The following PI4KA variants were observed in gnomAD, a reference collection of about 807,000 sequenced individuals.
The protein encoded by PI4KA is phosphatidylinositol 4-kinase alpha.
Under a neutral mutation model 271.4 loss-of-function variants are expected in PI4KA, and 122 were observed. The ratio of observed to expected loss-of-function variants is 0.45; its 90% CI spans 0.39 to 0.52. The LOEUF (loss-of-function observed/expected upper bound fraction) is 0.52, where lower values mean the gene tolerates loss of function less well. Ranked by LOEUF, PI4KA falls within the 20% of genes least tolerant of loss-of-function variation. The pLI, the probability that PI4KA is intolerant of heterozygous loss-of-function variation, is 0.00. For synonymous variants in PI4KA, 1,041 were observed against 1,078.8 expected (o/e 0.96, Z 0.69); for missense variants, 1,969 against 2,769.1 (o/e 0.71, Z 6.48).
Position 20,799,256 on chromosome 22 carries a change from T to C in PI4KA, c.1841A>G (p.Asp614Gly). Reference protein sequence around the residue: ...ESDKDAHLIPDHTIRALGHIA... With the variant: ...ESDKDAHLIPGHTIRALGHIA... ...GTGTCCCAAGGCTCGGATTGTGTGG[T>C]CGGGAATCAAGTGAGCGTCCCTACA... is the stretch of plus-strand genomic sequence containing the variant. The change falls in exon 16 of 55, where the codon GAC (aspartate) becomes GGC (glycine). Residue 614 changes from aspartate (D) to glycine (G), a missense_variant. Around this residue, in one of 13 missense-constraint regions of PI4KA, gnomAD observed 228 missense variants for 261.6 expected, o/e 0.87. Transcript: ENST00000255882. 6.5e-7 allele frequency: 1 copy of C among 1,529,702 alleles called. No homozygotes were observed. The highest frequency in any genetic ancestry group is 8.8e-7 in the Non-Finnish European group (1 of 1,140,908). 94.8% of individuals were successfully genotyped at this position (1,529,702 alleles called of 1,614,324 possible). A position where few individuals can be genotyped will look rare whatever the true frequency, so the allele number is the denominator to read the frequency against.
At chr22:20,857,148 T>C (rs904867376) in intron 1 of PI4KA, among the ~76,000 whole-genome samples, 1 of 152,232 alleles carries the variant, frequency 6.6e-6, no homozygotes, top group African/African-American at 2.4e-5. Context: ...TCCTATGAAG[T>C]ACTACCTTGT....
At chr22:20,710,206 T>C in intron 52 of PI4KA, 1 of 626,466 alleles carries the variant, frequency 1.6e-6, no homozygotes, top group South Asian at 1.8e-5. Context: ...CCACACGCAC[T>C]CTGGACAGGC....
intron 42 of PI4KA, among the ~76,000 whole-genome samples, chr22:20,722,374 A>T (rs569675803): frequency 6.2e-4 from 95 of 152,234 alleles, no homozygotes; most frequent in African/African-American, 2.3e-3. Context: ...TTTAGTAGAG[A>T]CAGGGTTTCG....
intron 31 of PI4KA, 73 bp downstream of exon 31, chr22:20,742,535 C>A (rs1218738913): frequency 5.1e-6 from 8 of 1,580,462 alleles, no homozygotes; most frequent in Non-Finnish European, 6.9e-6. Context: ...AGTACTCCAG[C>A]TGGCTATGGG....
intron 19 of PI4KA, among the ~76,000 whole-genome samples, chr22:20,788,075 A>G (rs912280737): frequency 2.0e-5 from 3 of 152,226 alleles, no homozygotes; most frequent in Non-Finnish European, 2.9e-5. Flanking sequence ...GGGTAAGACA[A>G]GTGAAATCCA....
chr22:20,778,337 C>A (rs1014881081), intron 19 of PI4KA, among the ~76,000 whole-genome samples: 2 of 152,042 alleles, frequency 1.3e-5, no homozygotes, highest in Non-Finnish European at 2.9e-5. Flanking sequence ...CCCATCTCTA[C>A]TAAACAAAAT....
intron 40 of PI4KA, 137 bp downstream of exon 40, chr22:20,727,637 G>A: frequency 1.4e-6 from 1 of 723,346 alleles, no homozygotes. Flanking sequence ...GAAAACACAG[G>A]AAATCAGAAA....
chr22:20,786,920 G>C, intron 19 of PI4KA: 1 of 1,614,160 alleles, frequency 6.2e-7, no homozygotes, highest in Non-Finnish European at 8.5e-7. Flanking sequence ...AGGCACCCAA[G>C]CCACCACTGT....
In PI4KA at chr22:20,807,389, G is replaced by A; in HGVS notation, c.1141C>T (p.Leu381=). 2 of 1,612,064 alleles carry A rather than the reference G, an allele frequency of 1.2e-6. No homozygotes were observed. Among genetic ancestry groups the A allele is most frequent in the Non-Finnish European group, 8.5e-7 (1 of 1,178,098 alleles). The change falls in exon 10 of 55, where the codon CTG becomes TTG. Residue 381 remains leucine, a synonymous_variant. Transcript: ENST00000255882. ...TTCATGTAGTACAGAGTGTCACGCA[G>A]CATCTTGAACATGGTCAGGTAGAGA... ...DPLYLTMFKM[L]RDTLYYMKDL... is the part of the protein sequence containing the mutation.
chr22:20,765,496 T>C (rs1431108457), intron 20 of PI4KA, 89 bp downstream of exon 20: 2 of 889,544 alleles, frequency 2.2e-6, no homozygotes, highest in Non-Finnish European at 3.7e-6. Context: ...CATTTAAACA[T>C]GCTCACATTC....
rs557834316 is a variant in PI4KA, at chr22:20,818,797, T to C, written c.790-248A>G. Among the ~76,000 whole-genome samples, 7 of 152,362 alleles carry C rather than the reference T, an allele frequency of 4.6e-5. No individual in the cohort carries two copies. The South Asian group carries it at 1.4e-3, about 32-fold the overall frequency. ...CTGAATTGTCCTCAGTGTTTTGTGT[T>C]TTTGTCTTTTCTCCATGAGTCAATT... is the stretch of plus-strand genomic sequence containing the variant. On this transcript the variant is annotated intron_variant, in intron 6 of 54. Transcript: ENST00000255882.
At chr22:20,783,828 A>T in intron 19 of PI4KA, 1 of 1,076,166 alleles carries the variant, frequency 9.3e-7, no homozygotes, top group Non-Finnish European at 1.4e-6. Context: ...TGCCCAAATC[A>T]GGCCTCAGGA....
chr22:20,785,157 C>T (rs1275637479), intron 19 of PI4KA, among the ~76,000 whole-genome samples: 1 of 151,280 alleles, frequency 6.6e-6, no homozygotes, highest in Non-Finnish European at 1.5e-5. Flanking sequence ...GCAGCCTCAA[C>T]CTCCTGAACT....
rs376100212 is a variant in PI4KA at position 20,805,648 on chromosome 22, C to G, written c.1169-483G>C. 2.6e-5 allele frequency among the ~76,000 whole-genome samples: 4 copies of G among 151,716 alleles called. No homozygotes were observed. The East Asian group carries it at 5.8e-4, about 22-fold the overall frequency. On this transcript the variant is annotated intron_variant, in intron 10 of 54. Coordinates refer to ENST00000255882, the MANE Select transcript of PI4KA (RefSeq NM_058004.4). ...GAGATCGAGACCATCCTGGCTAACACGGTGAAACCCCATCTCTAATAAAAA... is the reference window on the plus strand; with the variant it reads ...GAGATCGAGACCATCCTGGCTAACAGGGTGAAACCCCATCTCTAATAAAAA...
rs1473665078 is a variant in PI4KA at position 20,714,490 on chromosome 22, T to C, written c.5429A>G (p.Lys1810Arg). ...KAPYLAKFKV[K>R]RCGVSELEKE... is the part of the protein sequence containing the mutation. ...TTCAAGTTCACTAACTCCACATCGCTTCACCTTGAACTTGGCCAGATATGG... is the reference window on the plus strand; with the variant it reads ...TTCAAGTTCACTAACTCCACATCGCCTCACCTTGAACTTGGCCAGATATGG... Residue 1810 changes from lysine (K) to arginine (R), a missense_variant, in exon 47 of 55, where the codon AAG becomes AGG. Lys to Arg is a conservative substitution (Grantham distance 26, BLOSUM62 2). Around this residue, in one of 13 missense-constraint regions of PI4KA, gnomAD observed 388 missense variants for 521.5 expected, o/e 0.74. Transcript: ENST00000255882. 16 of 1,613,414 alleles carry C rather than the reference T, an allele frequency of 9.9e-6. No homozygotes were observed. The highest frequency in any genetic ancestry group is 3.3e-5 in the Admixed American group (2 of 59,938).
In PI4KA at chr22:20,846,398, A is replaced by T. The variant is rs182099132; in HGVS notation, c.157-7667T>A. ...GAACTTTATCTCAATTATTAAAAAAAAATAATAAAGAAAAACACTAACGCA... is the reference window on the plus strand; with the variant it reads ...GAACTTTATCTCAATTATTAAAAAATAATAATAAAGAAAAACACTAACGCA... On this transcript the variant is annotated intron_variant, in intron 1 of 54. Coordinates refer to ENST00000255882, the MANE Select transcript of PI4KA (RefSeq NM_058004.4). Among the ~76,000 whole-genome samples, 542 of 152,210 alleles carry T rather than the reference A, an allele frequency of 3.6e-3. 3 individuals carry two copies. Among genetic ancestry groups the T allele is most frequent in the Middle Eastern group, 6.8e-3 (2 of 294 alleles).
At position 20,799,994 on chromosome 22, in the gene PI4KA, C is replaced by A. The variant is rs165742; in HGVS notation, c.1725-228G>T. On this transcript the variant is annotated intron_variant, in intron 14 of 54. Transcript: ENST00000255882. The stretch of plus-strand genomic sequence containing the variant: ...AATAATTTCATTATTTTGCCCAGAA[C>A]AGTTTCCTTTGGAATATCATGCTCA... Among the ~76,000 whole-genome samples, 69,559 of 151,988 alleles carry A rather than the reference C, an allele frequency of 0.46. 16,510 individuals are homozygous for A. The highest frequency in any genetic ancestry group is 0.57 in the African/African-American group (23,707 of 41,464).
At chr22:20,779,463 A>G in intron 19 of PI4KA, 1 of 1,614,176 alleles carries the variant, frequency 6.2e-7, no homozygotes, top group South Asian at 1.1e-5. Flanking sequence ...CAAAAACCTG[A>G]GCATGCCTCT....
At chr22:20,799,377 G>C (rs558729037) in intron 15 of PI4KA, 101 bp from the exon 16 acceptor site, 5 of 1,121,960 alleles carry the variant, frequency 4.5e-6, no homozygotes, top group Non-Finnish European at 6.2e-6. Context: ...TTTCATAACA[G>C]TCTTGATGCA....
Sources: allele counts gnomAD v4.1 joint callset (sites outside exome capture counted in the v4.1 genomes callset), GRCh38; gene constraint gnomAD v4.1.1; regional missense constraint gnomAD v4.1.1; transcripts MANE v1.5; gene names NCBI Gene and HGNC (gene_info 2026-07-23, HGNC 2026-07-21).